The following SLC44A5 variants were observed in gnomAD, a reference collection of about 807,000 sequenced individuals.
SLC44A5 encodes solute carrier family 44 member 5.
Under a neutral mutation model 101.8 loss-of-function variants are expected in SLC44A5, and 57 were observed. The observed-to-expected ratio is 0.56, with a 90% CI of 0.45 to 0.70. The LOEUF is 0.70. Among genes scored for constraint, SLC44A5 ranks in the 30% least tolerant of loss-of-function variants. The pLI is 0.00. For synonymous variants in SLC44A5, 281 were observed against 290.9 expected (o/e 0.97, Z 0.35); for missense variants, 737 against 853.1 (o/e 0.86, Z 1.70).
intron 2 of SLC44A5, among the ~76,000 whole-genome samples, chr1:75,500,441 A>G (rs1407886966): frequency 6.6e-6 from 1 of 151,086 alleles, no homozygotes; most frequent in Non-Finnish European, 1.5e-5. Context: ...CCATCACTTT[A>G]TCTACCTTCT....
At position 75,586,070 on chromosome 1, in the gene SLC44A5, G is replaced by T. The variant is rs142104570; in HGVS notation, c.-70+24970C>A. Among the ~76,000 whole-genome samples, 8 of 152,292 alleles carry T rather than the reference G, an allele frequency of 5.3e-5. No homozygotes were observed. In the East Asian group the frequency reaches 1.5e-3, roughly 29 times the overall value. On this transcript the variant is annotated intron_variant, in intron 1 of 23. Transcript: ENST00000370859. ...CATTATTCTGGATGTATCTATGAGG[G>T]TGTTTCTGGATGAGATTAACATTCA... is the stretch of plus-strand genomic sequence containing the variant.
At chr1:75,661,720 A>G in the SLC44A5 span, among the ~76,000 whole-genome samples, 2 of 152,194 alleles carry the variant, frequency 1.3e-5, no homozygotes, top group South Asian at 4.1e-4. Flanking sequence ...GGAGACATAC[A>G]AATGTTCAAC....
At chr1:75,719,862 C>T in the SLC44A5 span, among the ~76,000 whole-genome samples, 14 of 152,082 alleles carry the variant, frequency 9.2e-5, no homozygotes, top group Non-Finnish European at 1.3e-4. Context: ...ACCAATATGG[C>T]CCAGTGGGAT....
At chr1:75,225,224 C>T (rs1647172443) in intron 13 of SLC44A5, among the ~76,000 whole-genome samples, 1 of 152,154 alleles carries the variant, frequency 6.6e-6, no homozygotes, top group African/African-American at 2.4e-5. Context: ...ATTACAATTT[C>T]CTACAGTATT....
At chr1:75,420,789 A>T (rs1376740549) in intron 2 of SLC44A5, among the ~76,000 whole-genome samples, 4 of 152,140 alleles carry the variant, frequency 2.6e-5, no homozygotes, top group Non-Finnish European at 5.9e-5. Flanking sequence ...TATAAAAAAA[A>T]TTTTCATATC....
At chr1:75,417,736 G>A (rs1858628) in intron 2 of SLC44A5, among the ~76,000 whole-genome samples, 29,700 of 152,190 alleles carry the variant, frequency 0.2, 4,164 homozygotes, top group East Asian at 0.81. Context: ...TACAGGCAAG[G>A]GTAAGAATGG....
At chr1:75,212,156 G>T (rs556233475) in intron 22 of SLC44A5, among the ~76,000 whole-genome samples, 40 of 152,076 alleles carry the variant, frequency 2.6e-4, no homozygotes, top group South Asian at 1.0e-3. Flanking sequence ...TTTTATTTCT[G>T]AAATATTCTT....
At chr1:75,660,030 C>T in the SLC44A5 span, among the ~76,000 whole-genome samples, 2 of 151,936 alleles carry the variant, frequency 1.3e-5, no homozygotes, top group African/African-American at 4.8e-5. Context: ...ACGGTGAAGC[C>T]CTGTCTGTAC....
the SLC44A5 span, among the ~76,000 whole-genome samples, chr1:75,664,877 C>T: frequency 1.4e-4 from 20 of 148,146 alleles, no homozygotes; most frequent in African/African-American, 5.0e-4. Context: ...GCAGAGATTG[C>T]ACCACTGCAC....
At chr1:75,603,621 T>A (rs1325411716) in intron 1 of SLC44A5, among the ~76,000 whole-genome samples, 4 of 152,024 alleles carry the variant, frequency 2.6e-5, no homozygotes, top group Admixed American at 1.3e-4. Context: ...TTATAAGCAT[T>A]CCCATTTCTC....
chr1:75,469,900 G>GAAAAAA (rs1171157547), intron 2 of SLC44A5, among the ~76,000 whole-genome samples: 25 of 80,522 alleles, frequency 3.1e-4, no homozygotes, highest in Admixed American at 5.0e-4. Context: ...ACCTTGTGAA[G>GAAAAAA]AAAAAAAAAA....
chr1:75,681,244 C>T, the SLC44A5 span, among the ~76,000 whole-genome samples: 3 of 152,306 alleles, frequency 2.0e-5, no homozygotes, highest in South Asian at 4.2e-4. Context: ...GTAATCCTCC[C>T]TAACTCAGTT....
chr1:75,625,497 T>C, the SLC44A5 span, among the ~76,000 whole-genome samples: 2 of 152,180 alleles, frequency 1.3e-5, no homozygotes, highest in Non-Finnish European at 2.9e-5. Context: ...TAAATATTCA[T>C]TGGTTTCGCA....
intron 2 of SLC44A5, among the ~76,000 whole-genome samples, chr1:75,442,952 C>T (rs530288342): frequency 6.6e-6 from 1 of 152,288 alleles, no homozygotes; most frequent in South Asian, 2.1e-4. Flanking sequence ...CATACTTCCA[C>T]ATACTTCTAA....
chr1:75,282,395 G>A (rs1433210975), intron 5 of SLC44A5, among the ~76,000 whole-genome samples: 1 of 152,140 alleles, frequency 6.6e-6, no homozygotes, highest in Non-Finnish European at 1.5e-5. Context: ...GAAGGAACTT[G>A]CCTTGTCTCA....
the SLC44A5 span, among the ~76,000 whole-genome samples, chr1:75,712,944 T>C: frequency 6.6e-6 from 1 of 152,116 alleles, no homozygotes; most frequent in Non-Finnish European, 1.5e-5. Flanking sequence ...GGCCTCTCAG[T>C]TCTCTGGCTT....
At chr1:75,331,104 T>C (rs1570695982) in intron 4 of SLC44A5, among the ~76,000 whole-genome samples, 1 of 152,010 alleles carries the variant, frequency 6.6e-6, no homozygotes, top group East Asian at 1.9e-4. Context: ...GGAGTGTTGT[T>C]CTTGGGCCTC....
At chr1:75,357,435 G>A (rs796590647) in intron 3 of SLC44A5, among the ~76,000 whole-genome samples, 2 of 152,148 alleles carry the variant, frequency 1.3e-5, no homozygotes, top group African/African-American at 4.8e-5. Context: ...TGCTTTCTCT[G>A]TAAGGCCCTA....
chr1:75,494,785 G>A (rs1450345928), intron 2 of SLC44A5, among the ~76,000 whole-genome samples: 2 of 152,176 alleles, frequency 1.3e-5, no homozygotes, highest in African/African-American at 4.8e-5. Context: ...TCTCCTCTCT[G>A]GCTCAGTGAA....
Sources: allele counts gnomAD v4.1 joint callset (sites outside exome capture counted in the v4.1 genomes callset), GRCh38; gene constraint gnomAD v4.1.1; transcripts MANE v1.5; gene names NCBI Gene and HGNC (gene_info 2026-07-23, HGNC 2026-07-21).